Variants in THSD7B observed in about 807,000 individuals in gnomAD.
THSD7B encodes the protein thrombospondin type-1 domain-containing protein 7B.
A neutral mutation model predicts 213.6 loss-of-function variants in THSD7B; 138 were observed. That is an observed-to-expected ratio of 0.65 (90% CI 0.56 to 0.74). The LOEUF (loss-of-function observed/expected upper bound fraction) is 0.74, where lower values mean the gene tolerates loss of function less well. Ranked by LOEUF, THSD7B falls within the 30% of genes least tolerant of loss-of-function variation. The probability of loss-of-function intolerance (pLI) is 0.00; values close to 1 mark genes in which losing one functional copy is unlikely to be tolerated. For synonymous variants in THSD7B, 742 were observed against 687.0 expected (o/e 1.08, Z -1.25); for missense variants, 1,931 against 1,991.5 (o/e 0.97, Z 0.58).
intron 15 of THSD7B, among the ~76,000 whole-genome samples, chr2:137,534,637 AAT>A (rs1476875052): frequency 6.6e-6 from 1 of 151,794 alleles, no homozygotes; most frequent in East Asian, 1.9e-4. Context: ...CTGATACTAA[AAT>A]ATATACTATC....
chr2:137,558,873 A>C (rs1486584585), intron 15 of THSD7B, among the ~76,000 whole-genome samples: 17 of 152,360 alleles, frequency 1.1e-4, no homozygotes, highest in Middle Eastern at 3.4e-3. Flanking sequence ...AAGTCTCAGG[A>C]TACAAAATCA....
intron 7 of THSD7B, among the ~76,000 whole-genome samples, chr2:137,219,073 C>T (rs1417117461): frequency 2.0e-5 from 3 of 151,886 alleles, no homozygotes; most frequent in African/African-American, 7.3e-5. Context: ...CAGCATGATT[C>T]TCCCCTAGTT....
intron 2 of THSD7B, among the ~76,000 whole-genome samples, chr2:136,937,720 G>A (rs1357863422): frequency 1.3e-5 from 2 of 152,078 alleles, no homozygotes; most frequent in African/African-American, 4.8e-5. Context: ...GAATTTGGCT[G>A]GAAGTCATCT....
intron 12 of THSD7B, among the ~76,000 whole-genome samples, chr2:137,311,557 TGA>T (rs1359568893): frequency 6.6e-6 from 1 of 152,124 alleles, no homozygotes; most frequent in Non-Finnish European, 1.5e-5. Context: ...ATAGGAGTGG[TGA>T]GAGAGGGCAT....
intron 15 of THSD7B, among the ~76,000 whole-genome samples, chr2:137,499,829 G>A (rs1166854254): frequency 2.6e-5 from 4 of 152,150 alleles, no homozygotes; most frequent in Non-Finnish European, 4.4e-5. Flanking sequence ...ATACACACCA[G>A]AGGACTATCA....
chr2:137,309,494 A>G (rs1339816624), intron 12 of THSD7B, among the ~76,000 whole-genome samples: 1 of 148,178 alleles, frequency 6.7e-6, no homozygotes, highest in African/African-American at 2.5e-5. Context: ...TTATATATAT[A>G]TAATTTTATT....
chr2:136,812,531 A>G (rs112777077), intron 1 of THSD7B, among the ~76,000 whole-genome samples: 222 of 152,348 alleles, frequency 1.5e-3, no homozygotes, highest in African/African-American at 5.1e-3. Context: ...AATAGTAATA[A>G]TAAGAACTAC....
At position 137,042,782 on chromosome 2, in the gene THSD7B, A is replaced by G. The variant is rs568391886; in HGVS notation, c.140-13638A>G. ...TTTTCAATAGCCTGAGCTAACATTGACCCTAACAAGTGATTAATGAGCCCT... is the reference window on the plus strand; with the variant it reads ...TTTTCAATAGCCTGAGCTAACATTGGCCCTAACAAGTGATTAATGAGCCCT... On this transcript the variant is annotated intron_variant, in intron 2 of 27. Transcript: ENST00000409968. Among the ~76,000 whole-genome samples the G allele has an allele frequency of 4.6e-5, 7 of 152,318 alleles. No homozygotes were observed. The South Asian group carries it at 1.2e-3, about 27-fold the overall frequency.
chr2:137,288,932 G>A (rs1683251125), intron 12 of THSD7B, among the ~76,000 whole-genome samples: 1 of 152,026 alleles, frequency 6.6e-6, no homozygotes, highest in African/African-American at 2.4e-5. Flanking sequence ...CCTTCACTTT[G>A]AAATGTGAGG....
At chr2:136,863,403 A>C (rs945643037) in intron 1 of THSD7B, among the ~76,000 whole-genome samples, 10 of 152,176 alleles carry the variant, frequency 6.6e-5, no homozygotes, top group African/African-American at 2.4e-4. Context: ...ACTGAGATGT[A>C]ATATCATGAA....
intron 10 of THSD7B, among the ~76,000 whole-genome samples, chr2:137,252,981 A>G (rs1682223233): frequency 7.1e-6 from 1 of 140,746 alleles, no homozygotes; most frequent in Non-Finnish European, 1.5e-5. Context: ...TGAATTAGGT[A>G]GAAATATAGA....
chr2:137,263,254 A>C (rs1378708222), intron 10 of THSD7B, among the ~76,000 whole-genome samples: 1 of 151,278 alleles, frequency 6.6e-6, no homozygotes, highest in Non-Finnish European at 1.5e-5. Context: ...CAAGTTCACT[A>C]TATATATAAT....
At chr2:137,326,610 G>A (rs112685348) in intron 12 of THSD7B, among the ~76,000 whole-genome samples, 191 of 152,290 alleles carry the variant, frequency 1.3e-3, no homozygotes, top group African/African-American at 4.4e-3. Context: ...CTCATACCTC[G>A]CAGTTCCCCT....
rs1328224389 is a variant in THSD7B, at chr2:137,622,438, A to G, written c.3799+1712A>G. ...CATTTGTAAACATTCCTATTCCAAA[A>G]TAGGAAAGCTAGCAGAAGGCAAAAA... On this transcript the variant is annotated intron_variant, in intron 20 of 27. Transcript: ENST00000409968. Among the ~76,000 whole-genome samples, 13 of 152,182 alleles carry G rather than the reference A, an allele frequency of 8.5e-5. No homozygotes were observed. The East Asian group carries it at 2.5e-3, about 29-fold the overall frequency.
intron 2 of THSD7B, among the ~76,000 whole-genome samples, chr2:137,051,184 A>G (rs183592675): frequency 7.3e-4 from 111 of 152,364 alleles, no homozygotes; most frequent in African/African-American, 2.6e-3. Flanking sequence ...GCCTAAAGGA[A>G]GGACCAAACA....
intron 9 of THSD7B, among the ~76,000 whole-genome samples, chr2:137,240,885 A>G (rs1681884583): frequency 6.6e-6 from 1 of 151,768 alleles, no homozygotes; most frequent in Non-Finnish European, 1.5e-5. Flanking sequence ...TGGGTTTTTC[A>G]CTCTGAATTA....
intron 20 of THSD7B, among the ~76,000 whole-genome samples, chr2:137,638,179 T>C (rs1473246430): frequency 6.6e-6 from 1 of 152,178 alleles, no homozygotes; most frequent in Non-Finnish European, 1.5e-5. Context: ...ACCGCTGATA[T>C]GGTTTGGCTG....
chr2:137,121,598 C>T (rs1688548412), intron 5 of THSD7B, among the ~76,000 whole-genome samples: 1 of 152,134 alleles, frequency 6.6e-6, no homozygotes, highest in South Asian at 2.1e-4. Context: ...CTTTCCTAAT[C>T]CTATAGCCCT....
chr2:137,144,584 T>C (rs980845252), intron 5 of THSD7B, among the ~76,000 whole-genome samples: 1 of 152,004 alleles, frequency 6.6e-6, no homozygotes, highest in Admixed American at 6.6e-5. Flanking sequence ...TCATTGTAGG[T>C]AGAATGCTTA....
Sources: gnomAD v4.1 joint callset for allele counts (sites outside exome capture counted in the v4.1 genomes callset) on GRCh38, gnomAD v4.1.1 for gene constraint, MANE v1.5 for transcripts, NCBI Gene and HGNC (gene_info 2026-07-23, HGNC 2026-07-21) for gene names.